The following PREP variants were observed in gnomAD, a reference collection of about 807,000 sequenced individuals.
The protein encoded by PREP is dJ355L5.1 (prolyl endopeptidase).
A neutral mutation model predicts 87.6 loss-of-function variants in PREP; 29 were observed. The ratio of observed to expected loss-of-function variants is 0.33; its 90% CI spans 0.25 to 0.45. The LOEUF (loss-of-function observed/expected upper bound fraction) is 0.45. Ranked by LOEUF, PREP falls within the 20% of genes least tolerant of loss-of-function variation. PREP has a pLI of 1.00. For synonymous variants in PREP, 337 were observed against 328.6 expected (o/e 1.03, Z -0.28); for missense variants, 695 against 886.5 (o/e 0.78, Z 2.74).
intron 4 of PREP, among the ~76,000 whole-genome samples, chr6:105,375,669 AG>A (rs1363401426): frequency 6.6e-6 from 1 of 152,264 alleles, no homozygotes; most frequent in Non-Finnish European, 1.5e-5. Context: ...ACAATTAACT[AG>A]ATTTTTAAAA....
intron 2 of PREP, among the ~76,000 whole-genome samples, chr6:105,393,670 T>C (rs1479724020): frequency 6.6e-6 from 1 of 152,206 alleles, no homozygotes; most frequent in African/African-American, 2.4e-5. Context: ...TTAATTTCAA[T>C]AATATATTTT....
intron 9 of PREP, among the ~76,000 whole-genome samples, chr6:105,327,812 C>G (rs984854273): frequency 6.6e-6 from 1 of 152,198 alleles, no homozygotes; most frequent in African/African-American, 2.4e-5. Flanking sequence ...CAGGGTCTGC[C>G]TGGTCAACTG....
intron 2 of PREP, among the ~76,000 whole-genome samples, chr6:105,383,039 T>C (rs1049291326): frequency 5.9e-5 from 9 of 152,078 alleles, no homozygotes; most frequent in African/African-American, 2.2e-4. Context: ...ACTCTCCAAG[T>C]ACAGGGACAG....
intron 2 of PREP, among the ~76,000 whole-genome samples, chr6:105,383,642 G>A (rs575278738): frequency 6.6e-6 from 1 of 152,248 alleles, no homozygotes; most frequent in South Asian, 2.1e-4. Context: ...CCTTCTAGAA[G>A]CCTGTCAGGC....
chr6:105,383,268 AAG>A (rs1384362881), intron 2 of PREP, among the ~76,000 whole-genome samples: 1 of 151,448 alleles, frequency 6.6e-6, no homozygotes, highest in African/African-American at 2.4e-5. Context: ...AAAAAAAAAA[AAG>A]AGTGCTCGTA....
At chr6:105,333,548 A>G (rs999512027) in intron 7 of PREP, 43 bp from the exon 8 acceptor site, 1 of 1,593,980 alleles carries the variant, frequency 6.3e-7, no homozygotes, top group South Asian at 1.1e-5. Flanking sequence ...CTAATGTTTA[A>G]AAATGGTGTT....
chr6:105,300,669 A>G (rs1770514846), intron 10 of PREP, among the ~76,000 whole-genome samples: 1 of 152,202 alleles, frequency 6.6e-6, no homozygotes, highest in Admixed American at 6.5e-5. Context: ...TATATAAAGT[A>G]CATAAGTCTA....
At chr6:105,362,369 G>A (rs1217964451) in intron 6 of PREP, among the ~76,000 whole-genome samples, 3 of 152,352 alleles carry the variant, frequency 2.0e-5, no homozygotes, top group Non-Finnish European at 2.9e-5. Context: ...GCTGAGGGAC[G>A]AGAATCGCTT....
rs73769959 is a variant in PREP, at chr6:105,273,800, C to G, written c.*4344G>C. On this transcript the variant is annotated 3_prime_UTR_variant, in exon 15 of 15. Coordinates refer to ENST00000652536, the MANE Select transcript of PREP (RefSeq NM_002726.5). ...GCCTCGCCTGGCTCCCTGTTCCCCC[C>G]ACACTGGCTTCCTGCTCTTCCTCCA... 6,324 of 153,546 alleles carry G rather than the reference C, an allele frequency of 0.041. 402 individuals carry two copies. Among genetic ancestry groups the G allele is most frequent in the African/African-American group, 0.15 (6,081 of 41,534 alleles). 9.5% of individuals were successfully genotyped at this position (153,546 alleles called of 1,614,324 possible).
chr6:105,309,553 T>C (rs999191220), intron 10 of PREP, among the ~76,000 whole-genome samples: 2 of 152,184 alleles, frequency 1.3e-5, no homozygotes, highest in African/African-American at 4.8e-5. Context: ...TTTCGCCATG[T>C]TGGCCAGGCT....
At chr6:105,354,914 G>A (rs998812983) in intron 6 of PREP, among the ~76,000 whole-genome samples, 3 of 151,978 alleles carry the variant, frequency 2.0e-5, no homozygotes, top group Non-Finnish European at 2.9e-5. Flanking sequence ...CAGTTATTTT[G>A]TGCAAGACAT....
chr6:105,391,728 C>T (rs960300263), intron 2 of PREP, among the ~76,000 whole-genome samples: 6 of 152,168 alleles, frequency 3.9e-5, no homozygotes, highest in East Asian at 1.9e-4. Context: ...ACAGGGCACA[C>T]GCCCTAAGGG....
chr6:105,399,410 C>A (rs1192886987), intron 1 of PREP, among the ~76,000 whole-genome samples: 1 of 152,144 alleles, frequency 6.6e-6, no homozygotes, highest in African/African-American at 2.4e-5. Context: ...TTGTCTGATG[C>A]CAGGTCAAAG....
At chr6:105,365,179 G>A (rs541547836) in intron 6 of PREP, among the ~76,000 whole-genome samples, 6 of 152,298 alleles carry the variant, frequency 3.9e-5, no homozygotes, top group East Asian at 1.9e-4. Context: ...CTTGGGAAGC[G>A]GAGGTTGCAG....
At chr6:105,296,194 T>A (rs886885252) in intron 10 of PREP, among the ~76,000 whole-genome samples, 1 of 152,226 alleles carries the variant, frequency 6.6e-6, no homozygotes, top group Non-Finnish European at 1.5e-5. Flanking sequence ...ACACTGCCAT[T>A]TCCTTACTGT....
chr6:105,333,256 C>T (rs929384191), intron 8 of PREP, 58 bp downstream of exon 8: 3 of 1,492,430 alleles, frequency 2.0e-6, no homozygotes, highest in Non-Finnish European at 2.8e-6. Context: ...GACGCACTAA[C>T]TTGTTGATGT....
At chr6:105,320,469 T>G (rs1770975332) in intron 10 of PREP, among the ~76,000 whole-genome samples, 1 of 152,206 alleles carries the variant, frequency 6.6e-6, no homozygotes, top group South Asian at 2.1e-4. Flanking sequence ...AGGGAATATA[T>G]TAACAGATCA....
intron 7 of PREP, among the ~76,000 whole-genome samples, chr6:105,334,790 A>C (rs1415271952): frequency 6.6e-6 from 1 of 151,870 alleles, no homozygotes; most frequent in East Asian, 1.9e-4. Context: ...GGCTATTCAC[A>C]GGCATGATCA....
intron 3 of PREP, among the ~76,000 whole-genome samples, chr6:105,376,459 A>T (rs556536819): frequency 2.6e-5 from 4 of 152,330 alleles, no homozygotes; most frequent in African/African-American, 9.6e-5. Context: ...TTGCTTCCAT[A>T]TTCAAATCCT....
Sources: gnomAD v4.1 joint callset for allele counts (sites outside exome capture counted in the v4.1 genomes callset) on GRCh38, gnomAD v4.1.1 for gene constraint, MANE v1.5 for transcripts, NCBI Gene and HGNC (gene_info 2026-07-23, HGNC 2026-07-21) for gene names.